The following BCL2 variants were observed in gnomAD, a reference collection of about 807,000 sequenced individuals.
BCL2 encodes BCL2 apoptosis regulator.
In BCL2, 1 loss-of-function variant was observed where a neutral mutation model predicts 14.2. The observed-to-expected ratio is 0.07, with a 90% CI of 0.02 to 0.33. BCL2 has a LOEUF of 0.33. BCL2 is among the 10% of genes least tolerant of loss of function. The pLI is 0.99. For missense variants in BCL2, 247 were observed against 305.9 expected (o/e 0.81, Z 1.44); for synonymous variants, 151 against 137.2 (o/e 1.10, Z -0.70).
chr18:63,177,712 C>T (rs1915381518), intron 2 of BCL2, among the ~76,000 whole-genome samples: 1 of 152,126 alleles, frequency 6.6e-6, no homozygotes, highest in Non-Finnish European at 1.5e-5. Flanking sequence ...TCCCCTGAAA[C>T]GTTTTGGCTT....
At chr18:63,131,966 C>A (rs1914079426) in intron 2 of BCL2, among the ~76,000 whole-genome samples, 1 of 152,362 alleles carries the variant, frequency 6.6e-6, no homozygotes, top group African/African-American at 2.4e-5. Context: ...TCACCACCCT[C>A]ACCCCCACAC....
intron 2 of BCL2, among the ~76,000 whole-genome samples, chr18:63,173,400 T>C (rs1306851791): frequency 6.6e-6 from 1 of 152,240 alleles, no homozygotes; most frequent in Non-Finnish European, 1.5e-5. Context: ...TTTGTTTTCT[T>C]AGTGAAGCTA....
At chr18:63,202,245 GT>G in intron 2 of BCL2, among the ~76,000 whole-genome samples, 1 of 152,276 alleles carries the variant, frequency 6.6e-6, no homozygotes, top group Admixed American at 6.5e-5. Context: ...GGAGGCGGAG[GT>G]TGCAGTGAGA....
intron 2 of BCL2, among the ~76,000 whole-genome samples, chr18:63,129,746 C>T (rs989511363): frequency 5.9e-5 from 9 of 152,174 alleles, no homozygotes; most frequent in South Asian, 4.1e-4. Context: ...GCGTGGCTAA[C>T]GGCAGCTCTA....
Position 63,302,555 on chromosome 18 carries a change from T to C in BCL2, c.585+15527A>G, listed in dbSNP as rs1001110451. On this transcript the variant is annotated intron_variant, in intron 2 of 2. Transcript: ENST00000333681. ...GCCCAGGGAAGATGTTGAATTGAAA[T>C]TTTTTAATATGTGCTTTATTAAACA... 14 of 985,354 alleles carry C rather than the reference T, an allele frequency of 1.4e-5. No homozygotes were observed. In the Admixed American group the frequency reaches 3.1e-4, roughly 22 times the overall value. 61.0% of individuals were successfully genotyped at this position (985,354 alleles called of 1,614,324 possible).
chr18:63,292,944 C>T (rs1303920187), intron 2 of BCL2, among the ~76,000 whole-genome samples: 2 of 152,224 alleles, frequency 1.3e-5, no homozygotes, highest in Admixed American at 6.5e-5. Flanking sequence ...GTAATAATAG[C>T]GACGGCTCTC....
In BCL2 at chr18:63,257,635, G is replaced by A. The variant is rs200336650; in HGVS notation, c.585+60447C>T. 4.6e-5 allele frequency among the ~76,000 whole-genome samples: 7 copies of A among 152,336 alleles called. No individual in the cohort carries two copies. In the East Asian group the frequency reaches 1.2e-3, roughly 25 times the overall value. On this transcript the variant is annotated intron_variant, in intron 2 of 2. Coordinates refer to ENST00000333681, the MANE Select transcript of BCL2 (RefSeq NM_000633.3). The stretch of plus-strand genomic sequence containing the variant: ...CCATTCAGGGAACTGAAAAGAACAC[G>A]GATGGCATCAAGCTTGGCCCTAGCT...
intron 2 of BCL2, among the ~76,000 whole-genome samples, chr18:63,306,655 C>T (rs1052892238): frequency 1.3e-5 from 2 of 152,212 alleles, no homozygotes; most frequent in Non-Finnish European, 2.9e-5. Flanking sequence ...GGGAAGACTT[C>T]CTTGACTCCA....
At chr18:63,182,912 G>C (rs1915510879) in intron 2 of BCL2, among the ~76,000 whole-genome samples, 1 of 152,222 alleles carries the variant, frequency 6.6e-6, no homozygotes, top group Non-Finnish European at 1.5e-5. Flanking sequence ...TAGCCCATCA[G>C]GGGAGAGCAG....
chr18:63,152,455 C>T (rs1197759732), intron 2 of BCL2, among the ~76,000 whole-genome samples: 7 of 152,094 alleles, frequency 4.6e-5, no homozygotes, highest in Non-Finnish European at 7.4e-5. Context: ...AAAATTAATT[C>T]GTAAATACCT....
At chr18:63,259,484 AT>A (rs1404234844) in intron 2 of BCL2, among the ~76,000 whole-genome samples, 1 of 152,280 alleles carries the variant, frequency 6.6e-6, no homozygotes, top group African/African-American at 2.4e-5. Flanking sequence ...TCTAACAGCT[AT>A]CATATGGATG....
At chr18:63,195,266 C>G (rs1189989634) in intron 2 of BCL2, among the ~76,000 whole-genome samples, 1 of 152,206 alleles carries the variant, frequency 6.6e-6, no homozygotes, top group Non-Finnish European at 1.5e-5. Context: ...TTTATCAATA[C>G]AGGCCGCTTT....
intron 2 of BCL2, among the ~76,000 whole-genome samples, chr18:63,142,569 A>G (rs2144598758): frequency 6.6e-6 from 1 of 152,338 alleles, no homozygotes; most frequent in East Asian, 1.9e-4. Flanking sequence ...AGTCTTACTC[A>G]GATCCCAGCT....
chr18:63,180,445 A>G (rs999367828), intron 2 of BCL2, among the ~76,000 whole-genome samples: 2 of 152,228 alleles, frequency 1.3e-5, no homozygotes, highest in Non-Finnish European at 2.9e-5. Flanking sequence ...CCCCGGCTCT[A>G]TGGGGGCTGC....
At chr18:63,132,016 G>A (rs562566678) in intron 2 of BCL2, among the ~76,000 whole-genome samples, 1 of 152,280 alleles carries the variant, frequency 6.6e-6, no homozygotes, top group South Asian at 2.1e-4. Flanking sequence ...GGCCATTTCT[G>A]ATATGCATTA....
chr18:63,281,348 C>T (rs1038778405), intron 2 of BCL2, among the ~76,000 whole-genome samples: 4 of 151,984 alleles, frequency 2.6e-5, no homozygotes, highest in African/African-American at 9.7e-5. Context: ...CATTTTACCA[C>T]AATTTAAAAA....
At chr18:63,166,385 G>A (rs759991793) in intron 2 of BCL2, among the ~76,000 whole-genome samples, 2 of 152,178 alleles carry the variant, frequency 1.3e-5, no homozygotes, top group African/African-American at 4.8e-5. Context: ...CAGGGACGGC[G>A]TCCCTGGACC....
intron 2 of BCL2, among the ~76,000 whole-genome samples, chr18:63,255,660 C>T (rs1202443245): frequency 6.6e-6 from 1 of 152,136 alleles, no homozygotes; most frequent in African/African-American, 2.4e-5. Flanking sequence ...ACTTCTTAAC[C>T]TCAGTCTGTC....
chr18:63,290,334 G>A lies in BCL2; in HGVS notation c.585+27748C>T, dbSNP rs191049546. 1.2e-4 allele frequency among the ~76,000 whole-genome samples: 19 copies of A among 152,154 alleles called. No homozygotes were observed. The East Asian group carries it at 2.3e-3, about 19-fold the overall frequency. ...ATTTGAGAATCAGCTGCATACAGAC[G>A]ATACGGAAGCTGTGGGGATGAAAAA... On this transcript the variant is annotated intron_variant, in intron 2 of 2. Transcript: ENST00000333681.
Sources: gnomAD v4.1 joint callset for allele counts (sites outside exome capture counted in the v4.1 genomes callset) on GRCh38, gnomAD v4.1.1 for gene constraint, MANE v1.5 for transcripts, NCBI Gene and HGNC (gene_info 2026-07-23, HGNC 2026-07-21) for gene names.